Variants in SCAF8 observed in about 807,000 individuals in gnomAD.
SCAF8 encodes SR-related CTD associated factor 8.
Under a neutral mutation model 140.5 loss-of-function variants are expected in SCAF8, and 23 were observed. The observed-to-expected ratio is 0.16, with a 90% confidence interval of 0.12 to 0.23. The LOEUF (loss-of-function observed/expected upper bound fraction) is 0.23, where lower values mean the gene tolerates loss of function less well. Among genes scored for constraint, SCAF8 ranks in the 10% least tolerant of loss-of-function variants. SCAF8 has a pLI of 1.00. For missense variants in SCAF8, 1,397 were observed against 1,555.7 expected (o/e 0.90, Z 1.72); for synonymous variants, 575 against 528.9 (o/e 1.09, Z -1.20).
At position 154,820,303 on chromosome 6, in the gene SCAF8, G is replaced by A. The variant is rs755638327; in HGVS notation, c.1762G>A (p.Gly588Ser). 11 of 1,610,788 alleles carry A rather than the reference G, an allele frequency of 6.8e-6. No homozygotes were observed. The highest frequency in any genetic ancestry group is 8.5e-7 in the Non-Finnish European group (1 of 1,179,036). Residue 588 changes from glycine to serine, a missense_variant, in exon 15 of 20, where the codon GGC (glycine) becomes AGC (serine). By Grantham distance (56) the Gly-to-Ser change is moderately conservative. This residue lies in a region of SCAF8 where 930 missense variants were observed against 874.6 expected (regional missense o/e 1.06). Transcript: ENST00000367178. ...TGACTTGGAAGGTTTTGCAGAAGGA[G>A]GCATGATTGATCAGGAGACTGTAAA... The part of the protein sequence containing the change: ...VDDLEGFAEG[G>S]MIDQETVNTE...
At chr6:154,770,648 G>C (rs934526309) in intron 1 of SCAF8, among the ~76,000 whole-genome samples, 3 of 152,140 alleles carry the variant, frequency 2.0e-5, no homozygotes, top group Non-Finnish European at 4.4e-5. Context: ...GTCATGAACA[G>C]ATGGGTGCCT....
At chr6:154,819,647 G>T (rs965537655) in intron 14 of SCAF8, among the ~76,000 whole-genome samples, 1 of 151,754 alleles carries the variant, frequency 6.6e-6, no homozygotes, top group Non-Finnish European at 1.5e-5. Flanking sequence ...CATTTTTATG[G>T]TGAAAAGTGG....
At chr6:154,808,319 A>G (rs1777983409) in intron 10 of SCAF8, 118 bp downstream of exon 10, 1 of 1,069,232 alleles carries the variant, frequency 9.4e-7, no homozygotes, top group Non-Finnish European at 1.4e-6. Context: ...TCCACTTTGT[A>G]ATTGTTTCAC....
rs1777829689 is a variant in SCAF8, at chr6:154,803,529, CCTT to C, written c.784-11_784-9del. The stretch of plus-strand genomic sequence containing the variant: ...AGCACTTTTTAATATGTCTGTTTCT[CCTT>C]CTTTCCCCCAGAAGTTGATGGATAG... On this transcript the variant is annotated splice_polypyrimidine_tract_variant and intron_variant, in intron 7 of 19. Transcript: ENST00000367178. 6.3e-7 allele frequency: 1 copy of C among 1,596,312 alleles called. No homozygotes were observed. The highest frequency in any genetic ancestry group is 8.6e-7 in the Non-Finnish European group (1 of 1,164,940).
intron 2 of SCAF8, among the ~76,000 whole-genome samples, chr6:154,775,421 C>T (rs947748709): frequency 6.6e-6 from 1 of 152,054 alleles, no homozygotes; most frequent in Non-Finnish European, 1.5e-5. Flanking sequence ...GTATTTTTTT[C>T]TGTGAAAATT....
At chr6:154,815,677 C>A in intron 12 of SCAF8, 39 bp from the exon 13 acceptor site, 1 of 1,152,834 alleles carries the variant, frequency 8.7e-7, no homozygotes, top group Non-Finnish European at 1.3e-6. Flanking sequence ...GTAACTATGT[C>A]TAAATGATTT....
chr6:154,816,518 T>TG (rs1778255043), intron 13 of SCAF8, among the ~76,000 whole-genome samples: 3 of 151,878 alleles, frequency 2.0e-5, no homozygotes, highest in South Asian at 2.1e-4. Flanking sequence ...ACGTGCTGTC[T>TG]TTCTTCCTCC....
intron 1 of SCAF8, among the ~76,000 whole-genome samples, chr6:154,751,571 G>A (rs1466336591): frequency 2.0e-5 from 3 of 152,042 alleles, no homozygotes; most frequent in African/African-American, 7.2e-5. Flanking sequence ...TGAAAGACTC[G>A]TTTTACAGAT....
Position 154,794,149 on chromosome 6 carries a change from C to T in SCAF8, c.476-860C>T, listed in dbSNP as rs371551092. On this transcript the variant is annotated intron_variant, in intron 5 of 19. Coordinates refer to ENST00000367178, the MANE Select transcript of SCAF8 (RefSeq NM_014892.5). ...CTTGCTGTGTTGCCCAGGCTGGTCT[C>T]GAACTCTAGGGCCCAAGTAGTCCTC... Among the ~76,000 whole-genome samples the T allele has an allele frequency of 2.8e-3, 426 of 152,066 alleles. 4 individuals are homozygous for T. The highest frequency in any genetic ancestry group is 9.1e-3 in the African/African-American group (376 of 41,472).
Position 154,832,688 on chromosome 6 carries a change from G to A in SCAF8, c.3109G>A (p.Asp1037Asn), listed in dbSNP as rs1778782799. The A allele has an allele frequency of 6.2e-7, 1 of 1,613,966 alleles. No homozygotes were observed. Among genetic ancestry groups the A allele is most frequent in the Non-Finnish European group, 8.5e-7 (1 of 1,179,988 alleles). ...TAGACCTCCCCCTGTGGATGTTAGA[G>A]ATGTGGTTGGGCGGCCTATAGATCC... ...ISRPPPVDVR[D>N]VVGRPIDPRE... The change falls in exon 20 of 20, where the codon GAT becomes AAT. Residue 1037 changes from aspartate (D) to asparagine (N), a missense_variant. Coordinates refer to ENST00000367178, the MANE Select transcript of SCAF8 (RefSeq NM_014892.5).
intron 3 of SCAF8, among the ~76,000 whole-genome samples, chr6:154,784,120 G>GAGATATATATATAT (rs1362230678): frequency 1.9e-5 from 2 of 106,832 alleles, no homozygotes; most frequent in African/African-American, 6.4e-5. Flanking sequence ...GGTGTCTTGA[G>GAGATATATATATAT]ATATATATAT....
intron 3 of SCAF8, among the ~76,000 whole-genome samples, chr6:154,780,735 G>A (rs774070250): frequency 6.6e-6 from 1 of 152,060 alleles, no homozygotes; most frequent in African/African-American, 2.4e-5. Context: ...GTATTCCATG[G>A]TGTATATGTA....
chr6:154,823,149 G>T (rs1040383512), intron 16 of SCAF8, among the ~76,000 whole-genome samples: 3 of 152,186 alleles, frequency 2.0e-5, no homozygotes, highest in Non-Finnish European at 4.4e-5. Flanking sequence ...GGAGTGTTAA[G>T]TGGGCTAGAA....
intron 16 of SCAF8, among the ~76,000 whole-genome samples, chr6:154,823,723 A>T (rs191528716): frequency 6.6e-6 from 1 of 152,208 alleles, no homozygotes; most frequent in African/African-American, 2.4e-5. Flanking sequence ...TGTCAGCACA[A>T]TTGGGATGTT....
intron 15 of SCAF8, chr6:154,822,056 G>T: frequency 2.5e-6 from 1 of 395,828 alleles, no homozygotes; most frequent in Non-Finnish European, 4.5e-6. Context: ...ATATTTTAGT[G>T]TCTTTCCTTT....
At chr6:154,742,539 C>T (rs539456228) in intron 1 of SCAF8, among the ~76,000 whole-genome samples, 4 of 152,234 alleles carry the variant, frequency 2.6e-5, no homozygotes, top group Admixed American at 1.3e-4. Context: ...TGATTTCGTA[C>T]CTAAATGGAT....
intron 16 of SCAF8, among the ~76,000 whole-genome samples, chr6:154,823,151 G>A (rs1438305844): frequency 6.6e-6 from 1 of 152,122 alleles, no homozygotes; most frequent in Non-Finnish European, 1.5e-5. Context: ...AGTGTTAAGT[G>A]GGCTAGAATA....
At chr6:154,758,531 C>T (rs181389398) in intron 1 of SCAF8, among the ~76,000 whole-genome samples, 47 of 152,314 alleles carry the variant, frequency 3.1e-4, no homozygotes, top group Admixed American at 2.4e-3. Flanking sequence ...GAGCCCAGGA[C>T]GTAGTTCATG....
rs1778590619 is a variant in SCAF8, at chr6:154,827,186, C to G, written c.2086C>G (p.Pro696Ala). 20 of 1,602,412 alleles carry G rather than the reference C, an allele frequency of 1.2e-5. No homozygotes were observed. Among genetic ancestry groups the G allele is most frequent in the Non-Finnish European group, 1.7e-5 (20 of 1,175,758 alleles). ...SQPPPGFMPP[P>A]VPPPVVPPPT... ...TTTCTGTCTAGGTTTCATGCCGCCT[C>G]CAGTTCCCCCACCTGTTGTGCCACC... The change falls in exon 18 of 20, where the codon CCA becomes GCA. Residue 696 changes from proline (P) to alanine (A), a missense_variant. Around this residue, in one of 5 missense-constraint regions of SCAF8, gnomAD observed 930 missense variants for 874.6 expected, o/e 1.06. Transcript: ENST00000367178.
Sources: gnomAD v4.1 joint callset for allele counts (sites outside exome capture counted in the v4.1 genomes callset) on GRCh38, gnomAD v4.1.1 for gene constraint, gnomAD v4.1.1 regional missense constraint, MANE v1.5 for transcripts, NCBI Gene and HGNC (gene_info 2026-07-23, HGNC 2026-07-21) for gene names.